KIAA1549: variants seen among roughly 807,000 people sequenced by gnomAD.
KIAA1549 encodes UPF0606 protein KIAA1549.
KIAA1549 carries 70 observed loss-of-function variants against 156.4 expected under a neutral mutation model. The ratio of observed to expected loss-of-function variants is 0.45; its 90% CI spans 0.37 to 0.55. KIAA1549 has a LOEUF of 0.55. KIAA1549 is among the 20% of genes least tolerant of loss of function. The pLI is 0.00. For missense variants in KIAA1549, 2,428 were observed against 2,540.9 expected (o/e 0.96, Z 0.96); for synonymous variants, 1,103 against 1,066.4 (o/e 1.03, Z -0.67).
At chr7:138,976,211 G>T (rs1814372714) in intron 1 of KIAA1549, among the ~76,000 whole-genome samples, 1 of 151,994 alleles carries the variant, frequency 6.6e-6, no homozygotes, top group Admixed American at 6.6e-5. Context: ...CAAGTAGCTG[G>T]GATTACAGGC....
At chr7:138,935,048 T>G (rs1408905058) in intron 1 of KIAA1549, among the ~76,000 whole-genome samples, 3 of 152,186 alleles carry the variant, frequency 2.0e-5, no homozygotes, top group African/African-American at 4.8e-5. Context: ...TCGTAATTAG[T>G]CACCCCTTCC....
chr7:138,912,248 A>G (rs777264094), intron 3 of KIAA1549, 124 bp downstream of exon 3: 132 of 738,474 alleles, frequency 1.8e-4, no homozygotes, highest in Middle Eastern at 3.3e-4. Context: ...TTAACCAGGA[A>G]CAGACAAGAG....
Position 138,833,441 on chromosome 7 carries a change from TC to T in KIAA1549, c.*4464del. ...AACCTGTCCACGGGAAACGGGAGAC[TC>T]CTATAGCACAGAACCGCGTGCTGGC... On this transcript the variant is annotated 3_prime_UTR_variant, in exon 20 of 20. Transcript: ENST00000422774. 4.3e-6 allele frequency: 1 copy of T among 232,772 alleles called. No individual in the cohort carries two copies. Among genetic ancestry groups the T allele is most frequent in the Non-Finnish European group, 8.5e-6 (1 of 117,788 alleles). 14.4% of individuals were successfully genotyped at this position (232,772 alleles called of 1,614,324 possible). A position where few individuals can be genotyped will look rare whatever the true frequency, so the allele number is the denominator to read the frequency against.
At chr7:138,957,721 G>A (rs551929938) in intron 1 of KIAA1549, among the ~76,000 whole-genome samples, 3 of 151,890 alleles carry the variant, frequency 2.0e-5, no homozygotes, top group African/African-American at 4.8e-5. Context: ...CAGCTGATCC[G>A]CCCACCTCAG....
intron 1 of KIAA1549, among the ~76,000 whole-genome samples, chr7:138,972,162 G>C (rs1814239212): frequency 6.6e-6 from 1 of 152,094 alleles, no homozygotes; most frequent in South Asian, 2.1e-4. Context: ...TCACTGAGGG[G>C]CTGGTGCCTG....
intron 1 of KIAA1549, among the ~76,000 whole-genome samples, chr7:138,935,837 G>A (rs1468210762): frequency 6.6e-6 from 1 of 152,226 alleles, no homozygotes; most frequent in Non-Finnish European, 1.5e-5. Context: ...GGAGGCTTAA[G>A]AGAGAGAGGG....
chr7:138,878,579 G>A (rs992151320), intron 12 of KIAA1549, among the ~76,000 whole-genome samples: 12 of 152,094 alleles, frequency 7.9e-5, no homozygotes, highest in East Asian at 1.9e-4. Context: ...TGAGCAACAC[G>A]GTGAAACCTT....
chr7:138,924,966 C>G (rs1319533832), intron 1 of KIAA1549, among the ~76,000 whole-genome samples: 1 of 152,210 alleles, frequency 6.6e-6, no homozygotes, highest in Admixed American at 6.5e-5. Flanking sequence ...CGGACTCCTG[C>G]ACCGCTCCCA....
At chr7:138,948,081 T>C (rs1813386815) in intron 1 of KIAA1549, among the ~76,000 whole-genome samples, 1 of 152,084 alleles carries the variant, frequency 6.6e-6, no homozygotes, top group African/African-American at 2.4e-5. Context: ...CAGCTTCTTA[T>C]CACATCTGAT....
chr7:138,956,910 C>A (rs1813682047), intron 1 of KIAA1549, among the ~76,000 whole-genome samples: 1 of 129,120 alleles, frequency 7.7e-6, no homozygotes, highest in African/African-American at 3.4e-5. Flanking sequence ...AGGCCCAGTG[C>A]CAGGTGGAGG....
chr7:138,932,552 C>T (rs1812901684), intron 1 of KIAA1549, among the ~76,000 whole-genome samples: 1 of 152,206 alleles, frequency 6.6e-6, no homozygotes, highest in African/African-American at 2.4e-5. Context: ...ATGACAGGAT[C>T]TGAAAAATGG....
intron 10 of KIAA1549, among the ~76,000 whole-genome samples, chr7:138,893,868 C>T (rs953280831): frequency 1.3e-5 from 2 of 152,186 alleles, no homozygotes; most frequent in Non-Finnish European, 2.9e-5. Context: ...GCCAGGAGTT[C>T]GAGACCAGCC....
chr7:138,876,979 C>T (rs1811102707), intron 12 of KIAA1549, among the ~76,000 whole-genome samples: 2 of 152,114 alleles, frequency 1.3e-5, no homozygotes, highest in Non-Finnish European at 2.9e-5. Flanking sequence ...AAGGTGGGTC[C>T]TTAATATGCC....
chr7:138,908,949 A>G lies in KIAA1549; in HGVS notation c.3276+42T>C, dbSNP rs774195862. On this transcript the variant is annotated intron_variant, in intron 5 of 19. Coordinates refer to ENST00000422774, the MANE Select transcript of KIAA1549 (RefSeq NM_001164665.2). ...AACAATGTGGAACAATTTCCCCTTC[A>G]AGGGCTAAAGCCTTCTGCTCTGCAT... The G allele has an allele frequency of 6.2e-6, 10 of 1,607,690 alleles. No homozygotes were observed. The African/African-American group carries it at 1.3e-4, about 22-fold the overall frequency.
chr7:138,871,619 G>C (rs1245386217), intron 12 of KIAA1549, among the ~76,000 whole-genome samples: 1 of 152,208 alleles, frequency 6.6e-6, no homozygotes, highest in East Asian at 1.9e-4. Flanking sequence ...GATACTGTGT[G>C]AAAAACTGCA....
At chr7:138,869,499 C>T (rs568303246) in intron 14 of KIAA1549, 39 bp downstream of exon 14, 16 of 1,495,022 alleles carry the variant, frequency 1.1e-5, no homozygotes, top group Admixed American at 7.9e-5. Flanking sequence ...AGCACCTCTG[C>T]GCGCCCGCCC....
intron 1 of KIAA1549, among the ~76,000 whole-genome samples, chr7:138,967,052 A>G (rs949950124): frequency 6.6e-6 from 1 of 152,192 alleles, no homozygotes; most frequent in African/African-American, 2.4e-5. Flanking sequence ...TATCTGCTGC[A>G]TTTACACATG....
intron 12 of KIAA1549, 71 bp downstream of exon 12, chr7:138,879,467 A>C (rs1811178858): frequency 2.3e-6 from 2 of 854,640 alleles, no homozygotes; most frequent in Admixed American, 2.9e-5. Flanking sequence ...CATTTGAAAT[A>C]CTGTAAGGCC....
At chr7:138,901,243 T>C (rs186431581) in intron 8 of KIAA1549, among the ~76,000 whole-genome samples, 1 of 152,286 alleles carries the variant, frequency 6.6e-6, no homozygotes, top group Non-Finnish European at 1.5e-5. Context: ...TTTTAGCATT[T>C]TCCTTCTATT....
Sources: allele counts gnomAD v4.1 joint callset (sites outside exome capture counted in the v4.1 genomes callset), GRCh38; gene constraint gnomAD v4.1.1; transcripts MANE v1.5; gene names NCBI Gene and HGNC (gene_info 2026-07-23, HGNC 2026-07-21).